SCPPPQ1: variants seen among roughly 807,000 people sequenced by gnomAD.
SCPPPQ1 encodes the protein secretory calcium-binding phosphoprotein proline-glutamine rich 1, also known as secretory calcium-binding phosphoprotein proline- and glutamine-rich 1.
chr4:87,466,563 G>A, the SCPPPQ1 span, among the ~76,000 whole-genome samples: 1 of 152,142 alleles, frequency 6.6e-6, no homozygotes, highest in Admixed American at 6.5e-5. Flanking sequence ...TGAGGACTAA[G>A]TTTAGTGACA....
chr4:87,465,559 C>CCA, the SCPPPQ1 span, among the ~76,000 whole-genome samples: 31 of 98,304 alleles, frequency 3.2e-4, no homozygotes, highest in African/African-American at 1.2e-3. Context: ...TAGAAATCTA[C>CCA]AAAAAAAAAA....
At chr4:87,464,279 T>A in the SCPPPQ1 span, among the ~76,000 whole-genome samples, 1 of 152,170 alleles carries the variant, frequency 6.6e-6, no homozygotes, top group African/African-American at 2.4e-5. Context: ...ATATATTTTA[T>A]ATTAGCTTGG....
At chr4:87,462,929 G>C in the SCPPPQ1 span, among the ~76,000 whole-genome samples, 267 of 150,370 alleles carry the variant, frequency 1.8e-3, 2 homozygotes, top group African/African-American at 6.1e-3. Flanking sequence ...GCCTGGGGGG[G>C]CAGAGGTTGC....
chr4:87,465,433 C>A, the SCPPPQ1 span, among the ~76,000 whole-genome samples: 2 of 151,900 alleles, frequency 1.3e-5, no homozygotes, highest in Non-Finnish European at 2.9e-5. Flanking sequence ...GTATCAAATT[C>A]TCCCCAATTA....
At chr4:87,465,559 CAAAAAA>C in the SCPPPQ1 span, among the ~76,000 whole-genome samples, 519 of 98,208 alleles carry the variant, frequency 5.3e-3, no homozygotes, top group East Asian at 0.017. Flanking sequence ...TAGAAATCTA[CAAAAAA>C]AAAAAAAAAA....
chr4:87,465,559 C>CAAAAAAAAAAAAAAAAAA, the SCPPPQ1 span, among the ~76,000 whole-genome samples: 2 of 98,310 alleles, frequency 2.0e-5, no homozygotes, highest in Admixed American at 1.1e-4. Context: ...TAGAAATCTA[C>CAAAAAAAAAAAAAAAAAA]AAAAAAAAAA....
At chr4:87,465,292 TAA>T in the SCPPPQ1 span, among the ~76,000 whole-genome samples, 1 of 152,086 alleles carries the variant, frequency 6.6e-6, no homozygotes, top group African/African-American at 2.4e-5. Flanking sequence ...TCTACACAAA[TAA>T]GGAAAGTTTC....
At chr4:87,466,306 G>A in the SCPPPQ1 span, among the ~76,000 whole-genome samples, 1 of 151,982 alleles carries the variant, frequency 6.6e-6, no homozygotes, top group Non-Finnish European at 1.5e-5. Flanking sequence ...GGAGGCGGAG[G>A]TTGCAGTGAG....
the SCPPPQ1 span, among the ~76,000 whole-genome samples, chr4:87,466,180 G>A: frequency 6.6e-6 from 1 of 152,026 alleles, no homozygotes; most frequent in African/African-American, 2.4e-5. Context: ...TTGAGGTCAG[G>A]AGTGAGTTCG....
At chr4:87,465,559 C>CAAAAAAAAAAAAAAAAAAAAAAAAAA in the SCPPPQ1 span, among the ~76,000 whole-genome samples, 2 of 98,310 alleles carry the variant, frequency 2.0e-5, no homozygotes, top group Non-Finnish European at 3.9e-5. Flanking sequence ...TAGAAATCTA[C>CAAAAAAAAAAAAAAAAAAAAAAAAAA]AAAAAAAAAA....
the SCPPPQ1 span, chr4:87,461,910 T>C: frequency 6.6e-6 from 1 of 152,222 alleles, no homozygotes; most frequent in Non-Finnish European, 1.5e-5. Flanking sequence ...ATTAAACTCA[T>C]GATAAAAATA....
chr4:87,469,947 CTTTT>C, the SCPPPQ1 span, among the ~76,000 whole-genome samples: 2 of 114,972 alleles, frequency 1.7e-5, no homozygotes, highest in Non-Finnish European at 3.6e-5. Flanking sequence ...ACACACAAAT[CTTTT>C]TTTTTTTTTT....
At chr4:87,469,947 C>CCT in the SCPPPQ1 span, among the ~76,000 whole-genome samples, 6 of 114,982 alleles carry the variant, frequency 5.2e-5, no homozygotes, top group Non-Finnish European at 1.1e-4. Flanking sequence ...ACACACAAAT[C>CCT]TTTTTTTTTT....
chr4:87,467,630 A>C, the SCPPPQ1 span, among the ~76,000 whole-genome samples: 3 of 152,184 alleles, frequency 2.0e-5, no homozygotes, highest in Non-Finnish European at 2.9e-5. Context: ...TTTGGAGGGA[A>C]ATTTGCTAGC....
chr4:87,464,539 C>T, the SCPPPQ1 span, among the ~76,000 whole-genome samples: 1 of 151,950 alleles, frequency 6.6e-6, no homozygotes, highest in Admixed American at 6.6e-5. Context: ...ATATTACTTC[C>T]TATAATCGTA....
At chr4:87,460,927 A>G in the SCPPPQ1 span, 17 of 152,764 alleles carry the variant, frequency 1.1e-4, no homozygotes, top group East Asian at 2.7e-3. Flanking sequence ...ACTACCATCA[A>G]CTATAGTTAA....
the SCPPPQ1 span, among the ~76,000 whole-genome samples, chr4:87,465,980 A>C: frequency 6.6e-6 from 1 of 152,206 alleles, no homozygotes; most frequent in East Asian, 1.9e-4. Context: ...TCCATTTCAC[A>C]GAAGAGTGAT....
chr4:87,468,634 G>A, the SCPPPQ1 span, among the ~76,000 whole-genome samples: 1 of 152,154 alleles, frequency 6.6e-6, no homozygotes, highest in African/African-American at 2.4e-5. Flanking sequence ...TGCTATCATT[G>A]TCAAAAGCAC....
At chr4:87,464,602 C>T in the SCPPPQ1 span, among the ~76,000 whole-genome samples, 1 of 152,068 alleles carries the variant, frequency 6.6e-6, no homozygotes, top group East Asian at 1.9e-4. Flanking sequence ...CTTTTGGAGG[C>T]CAAGGGAGGA....
Sources: allele counts gnomAD v4.1 joint callset (sites outside exome capture counted in the v4.1 genomes callset), GRCh38; gene constraint gnomAD v4.1.1; transcripts MANE v1.5; gene names NCBI Gene and HGNC (gene_info 2026-07-23, HGNC 2026-07-21).